The following PKNOX2 variants were observed in gnomAD, a reference collection of about 807,000 sequenced individuals.
The protein encoded by PKNOX2 is PBX/knotted 1 homeobox 2, also known as homeobox protein PKNOX2.
Under a neutral mutation model 53.1 loss-of-function variants are expected in PKNOX2, and 14 were observed. The observed-to-expected ratio is 0.26, with a 90% CI of 0.17 to 0.41. PKNOX2 has a LOEUF of 0.41. Ranked by LOEUF, PKNOX2 falls within the 10% of genes least tolerant of loss-of-function variation. PKNOX2 has a pLI of 1.00. For missense variants in PKNOX2, 496 were observed against 602.8 expected (o/e 0.82, Z 1.85); for synonymous variants, 257 against 242.8 (o/e 1.06, Z -0.54).
At position 125,291,739 on chromosome 11, in the gene PKNOX2, G is replaced by A. The variant is rs879944976; in HGVS notation, c.-129-40080G>A. On this transcript the variant is annotated intron_variant, in intron 2 of 12. Coordinates refer to ENST00000298282, the MANE Select transcript of PKNOX2 (RefSeq NM_001382323.2). ...CAGAATATTACTCAACCATCAAAAG[G>A]AATAGAGTTTTGAAATATGCTATAG... is the stretch of plus-strand genomic sequence containing the variant. 1.8e-4 allele frequency among the ~76,000 whole-genome samples: 27 copies of A among 152,246 alleles called. No individual in the cohort carries two copies. In the Middle Eastern group the frequency reaches 0.017, roughly 96 times the overall value.
intron 3 of PKNOX2, among the ~76,000 whole-genome samples, chr11:125,338,252 C>G (rs763731711): frequency 3.3e-5 from 5 of 152,204 alleles, no homozygotes; most frequent in Non-Finnish European, 7.3e-5. Context: ...ACAGCTTCTG[C>G]TAGTGAAATC....
intron 1 of PKNOX2, among the ~76,000 whole-genome samples, chr11:125,227,118 A>G (rs1457226949): frequency 6.6e-6 from 1 of 152,190 alleles, no homozygotes; most frequent in Non-Finnish European, 1.5e-5. Flanking sequence ...TAAAACATAT[A>G]TCACATAAAA....
At chr11:125,238,964 T>A (rs1236062473) in intron 2 of PKNOX2, among the ~76,000 whole-genome samples, 1 of 152,190 alleles carries the variant, frequency 6.6e-6, no homozygotes, top group Non-Finnish European at 1.5e-5. Flanking sequence ...GAAATGGGGT[T>A]GTATATACTT....
intron 2 of PKNOX2, among the ~76,000 whole-genome samples, chr11:125,291,075 C>G (rs996555242): frequency 2.0e-5 from 3 of 152,192 alleles, no homozygotes; most frequent in African/African-American, 7.2e-5. Flanking sequence ...ACTTCTTGCC[C>G]TGAGCTGCCC....
At chr11:125,167,370 G>A (rs937212084) in intron 1 of PKNOX2, among the ~76,000 whole-genome samples, 1 of 152,176 alleles carries the variant, frequency 6.6e-6, no homozygotes, top group Non-Finnish European at 1.5e-5. Flanking sequence ...GCGGCCCGGG[G>A]CGCGGCGACT....
chr11:125,431,056 A>G, intron 12 of PKNOX2, 110 bp from the exon 13 acceptor site: 1 of 1,468,268 alleles, frequency 6.8e-7, no homozygotes, highest in Non-Finnish European at 9.0e-7. Context: ...AGCTCTAAAA[A>G]CAAGGAGTTC....
At chr11:125,426,620 C>A (rs575285894) in intron 10 of PKNOX2, among the ~76,000 whole-genome samples, 3 of 138,332 alleles carry the variant, frequency 2.2e-5, no homozygotes, top group African/African-American at 7.5e-5. Flanking sequence ...CTGGTCAGCA[C>A]GGCCACTAGC....
chr11:125,204,769 G>T (rs994391306), intron 1 of PKNOX2, among the ~76,000 whole-genome samples: 6 of 151,910 alleles, frequency 3.9e-5, no homozygotes, highest in African/African-American at 1.5e-4. Flanking sequence ...CTTTTCTCCC[G>T]CTGTGATCCT....
At chr11:125,340,094 A>C (rs1195793952) in intron 3 of PKNOX2, among the ~76,000 whole-genome samples, 1 of 152,236 alleles carries the variant, frequency 6.6e-6, no homozygotes, top group Non-Finnish European at 1.5e-5. Flanking sequence ...AAATGCAATG[A>C]AATATTTAAC....
chr11:125,199,094 G>A (rs1220117658), intron 1 of PKNOX2, among the ~76,000 whole-genome samples: 1 of 152,084 alleles, frequency 6.6e-6, no homozygotes, highest in East Asian at 1.9e-4. Flanking sequence ...GCCCTCCTCG[G>A]CCTCCCAAAG....
At chr11:125,354,742 G>A (rs926239098) in intron 4 of PKNOX2, among the ~76,000 whole-genome samples, 5 of 152,038 alleles carry the variant, frequency 3.3e-5, no homozygotes, top group Non-Finnish European at 7.4e-5. Flanking sequence ...TGAAGTTTGG[G>A]GAATAAAGTT....
At chr11:125,202,523 C>T (rs1057215518) in intron 1 of PKNOX2, among the ~76,000 whole-genome samples, 4 of 152,206 alleles carry the variant, frequency 2.6e-5, no homozygotes, top group South Asian at 2.1e-4. Flanking sequence ...TTGGCAGGTG[C>T]ACCGTGGAGA....
chr11:125,390,541 T>C (rs114071885), intron 6 of PKNOX2, among the ~76,000 whole-genome samples: 2,050 of 152,384 alleles, frequency 0.013, 58 homozygotes, highest in African/African-American at 0.047. Context: ...AATTCTTCAG[T>C]GTCTCACCGT....
intron 1 of PKNOX2, among the ~76,000 whole-genome samples, chr11:125,178,131 A>G (rs1400764705): frequency 6.6e-6 from 1 of 152,178 alleles, no homozygotes; most frequent in Non-Finnish European, 1.5e-5. Context: ...ATCCATCCCA[A>G]CCACTGTATT....
At chr11:125,388,780 G>A (rs751186710) in intron 6 of PKNOX2, among the ~76,000 whole-genome samples, 6 of 151,982 alleles carry the variant, frequency 3.9e-5, no homozygotes, top group Admixed American at 1.3e-4. Context: ...GGGCTGATCC[G>A]AAGATCAGAG....
intron 7 of PKNOX2, among the ~76,000 whole-genome samples, chr11:125,399,948 G>T (rs1954636378): frequency 6.6e-6 from 1 of 152,222 alleles, no homozygotes; most frequent in Admixed American, 6.5e-5. Context: ...GACTCTGGAT[G>T]GTTAAGTTCT....
At chr11:125,412,902 TTCAGAAGCCATGGAGACCAGGCC>T (rs1253963739) in intron 10 of PKNOX2, among the ~76,000 whole-genome samples, 1 of 152,150 alleles carries the variant, frequency 6.6e-6, no homozygotes, top group East Asian at 1.9e-4. Flanking sequence ...TGGGAGAGCC[TTCAGAAGCCATGGAGACCAGGCC>T]TCAGTGGTTC....
chr11:125,215,905 C>T (rs1055264313), intron 1 of PKNOX2, among the ~76,000 whole-genome samples: 2 of 152,190 alleles, frequency 1.3e-5, no homozygotes, highest in East Asian at 1.9e-4. Flanking sequence ...TCACTTACAG[C>T]GCTCAGTCAT....
intron 2 of PKNOX2, among the ~76,000 whole-genome samples, chr11:125,295,723 GA>G (rs1406128959): frequency 3.9e-5 from 6 of 152,170 alleles, no homozygotes; most frequent in African/African-American, 1.4e-4. Flanking sequence ...GGCCTTCGAA[GA>G]GGGCAGTTTC....
Sources: gnomAD v4.1 joint callset for allele counts (sites outside exome capture counted in the v4.1 genomes callset) on GRCh38, gnomAD v4.1.1 for gene constraint, MANE v1.5 for transcripts, NCBI Gene and HGNC (gene_info 2026-07-23, HGNC 2026-07-21) for gene names.